TNKS: variants seen among roughly 807,000 people sequenced by gnomAD.
The protein encoded by TNKS is poly [ADP-ribose] polymerase tankyrase-1.
Under a neutral mutation model 135.8 loss-of-function variants are expected in TNKS, and 72 were observed. That is an observed-to-expected ratio of 0.53 (90% confidence interval 0.44 to 0.64). The LOEUF is 0.64. Among genes scored for constraint, TNKS ranks in the 30% least tolerant of loss-of-function variants. The pLI, the probability that TNKS is intolerant of heterozygous loss-of-function variation, is 0.00. For synonymous variants in TNKS, 849 were observed against 649.3 expected, an observed-to-expected ratio of 1.31 and a Z score of -4.68; for missense variants, 1,769 against 1,674.0, an observed-to-expected ratio of 1.06 and a Z score of -0.99.
In TNKS at chr8:9,559,246, C is replaced by G. The variant is rs1585164984; in HGVS notation, c.673+2634C>G. 2.0e-5 allele frequency among the ~76,000 whole-genome samples: 3 copies of G among 151,962 alleles called. No homozygotes were observed. In the East Asian group the frequency reaches 5.8e-4, roughly 29 times the overall value. On this transcript the variant is annotated intron_variant, in intron 1 of 26. Coordinates refer to ENST00000310430, the MANE Select transcript of TNKS (RefSeq NM_003747.3). ...GGAAACGTATATTATACTGTCTGTC[C>G]CAATATGTAATAGGAGCTCTTATCC...
chr8:9,687,417 G>C (rs1803053505), intron 5 of TNKS, among the ~76,000 whole-genome samples: 2 of 152,108 alleles, frequency 1.3e-5, no homozygotes, highest in South Asian at 2.1e-4. Context: ...CTTATGTTGG[G>C]ATATATTGTA....
chr8:9,566,326 A>G (rs1164611596), intron 1 of TNKS: 1 of 152,198 alleles, frequency 6.6e-6, no homozygotes, highest in African/African-American at 2.4e-5. Context: ...GCAAGCTATC[A>G]AAAGTTGTCT....
intron 2 of TNKS, among the ~76,000 whole-genome samples, chr8:9,601,119 A>G (rs905143807): frequency 3.9e-5 from 6 of 152,234 alleles, no homozygotes; most frequent in Non-Finnish European, 7.3e-5. Context: ...TAACACATAT[A>G]TGTAATAAAT....
intron 13 of TNKS, among the ~76,000 whole-genome samples, chr8:9,730,634 T>A (rs1805390133): frequency 6.6e-6 from 1 of 152,198 alleles, no homozygotes; most frequent in African/African-American, 2.4e-5. Context: ...TATTGTGGGT[T>A]TTTCTATTTG....
intron 23 of TNKS, among the ~76,000 whole-genome samples, chr8:9,765,435 A>T (rs1462167826): frequency 2.0e-5 from 3 of 146,946 alleles, no homozygotes; most frequent in Non-Finnish European, 4.5e-5. Context: ...CTTTTTACCT[A>T]TTTTTTTTTT....
intron 3 of TNKS, chr8:9,670,014 T>TTA (rs1293470286): frequency 3.9e-5 from 6 of 152,322 alleles, no homozygotes; most frequent in Admixed American, 1.3e-4. Flanking sequence ...AACATTCACT[T>TTA]ACTAAACATA....
chr8:9,590,984 G>A (rs1246419825), intron 2 of TNKS, among the ~76,000 whole-genome samples: 4 of 152,096 alleles, frequency 2.6e-5, no homozygotes, highest in African/African-American at 4.8e-5. Context: ...ATCCATTGTC[G>A]AACCCTAGAT....
At chr8:9,611,128 G>A (rs1465763082) in intron 2 of TNKS, among the ~76,000 whole-genome samples, 1 of 152,158 alleles carries the variant, frequency 6.6e-6, no homozygotes, top group Non-Finnish European at 1.5e-5. Context: ...TAACTGTCTT[G>A]TTATGCCAGC....
intron 3 of TNKS, among the ~76,000 whole-genome samples, chr8:9,665,707 A>G (rs561804799): frequency 2.0e-5 from 3 of 152,246 alleles, no homozygotes; most frequent in Non-Finnish European, 2.9e-5. Flanking sequence ...GTTAACCTCT[A>G]CTGGTCTCTT....
In TNKS at chr8:9,761,666, C is replaced by G. The variant is rs1807155316; in HGVS notation, c.3274+30C>G. On this transcript the variant is annotated intron_variant, in intron 21 of 26. Transcript: ENST00000310430. ...GCTATTCAGAAAAAAAAAAAAATTT[C>G]AGAAATCAGTGGTACAAGGTAAGTA... 5 of 1,569,254 alleles carry G rather than the reference C, an allele frequency of 3.2e-6. No homozygotes were observed. The Admixed American group carries it at 6.1e-5, about 19-fold the overall frequency.
chr8:9,587,555 C>T (rs888332558), intron 2 of TNKS, among the ~76,000 whole-genome samples: 2 of 152,024 alleles, frequency 1.3e-5, no homozygotes, highest in Non-Finnish European at 1.5e-5. Context: ...TCTGCCACCA[C>T]GCCCGGGTAA....
At chr8:9,665,681 C>T (rs1157359705) in intron 3 of TNKS, among the ~76,000 whole-genome samples, 1 of 152,136 alleles carries the variant, frequency 6.6e-6, no homozygotes, top group Non-Finnish European at 1.5e-5. Flanking sequence ...CTTGTGCTGC[C>T]TTTTCAGGAG....
chr8:9,650,295 T>C (rs1463315640), intron 3 of TNKS, among the ~76,000 whole-genome samples: 1 of 152,176 alleles, frequency 6.6e-6, no homozygotes, highest in Non-Finnish European at 1.5e-5. Context: ...GGTGCAAGTA[T>C]CTTTTTCGTA....
rs1008847908 is a variant in TNKS at position 9,779,540 on chromosome 8, G to A, written c.*2804G>A. On this transcript the variant is annotated 3_prime_UTR_variant, in exon 27 of 27. Coordinates refer to ENST00000310430, the MANE Select transcript of TNKS (RefSeq NM_003747.3). ...TTGGCCTGCTGGATACTTGACTCAGGCATAAATTAAGTGCCCTGGTCCCGA... is the reference window on the plus strand; with the variant it reads ...TTGGCCTGCTGGATACTTGACTCAGACATAAATTAAGTGCCCTGGTCCCGA... 9 of 152,082 alleles carry A rather than the reference G, an allele frequency of 5.9e-5. No individual in the cohort carries two copies. Among genetic ancestry groups the A allele is most frequent in the Non-Finnish European group, 1.5e-5 (1 of 68,026 alleles). The allele number at this position is 152,082 out of a possible 1,614,324, so 9.4% of individuals were successfully genotyped here.
At chr8:9,641,459 T>C (rs184715860) in intron 3 of TNKS, among the ~76,000 whole-genome samples, 1,806 of 145,180 alleles carry the variant, frequency 0.012, 188 homozygotes, top group African/African-American at 0.027. Flanking sequence ...GGACTCATTT[T>C]AGTATATTTT....
intron 26 of TNKS, among the ~76,000 whole-genome samples, chr8:9,770,660 T>C (rs1807775706): frequency 6.6e-6 from 1 of 152,206 alleles, no homozygotes; most frequent in Admixed American, 6.5e-5. Flanking sequence ...TGTCTGAATG[T>C]AAGTGAACTT....
chr8:9,602,902 C>A (rs1219881613), intron 2 of TNKS, among the ~76,000 whole-genome samples: 2 of 152,124 alleles, frequency 1.3e-5, no homozygotes, highest in African/African-American at 4.8e-5. Context: ...AAGCATATCT[C>A]AATTGAAACA....
intron 2 of TNKS, among the ~76,000 whole-genome samples, chr8:9,608,611 A>T (rs1449146791): frequency 2.6e-5 from 4 of 152,158 alleles, no homozygotes; most frequent in African/African-American, 9.7e-5. Flanking sequence ...CAGCCCAGCC[A>T]TGTGATCCCT....
intron 2 of TNKS, among the ~76,000 whole-genome samples, chr8:9,581,426 C>A (rs1028913992): frequency 6.6e-6 from 1 of 152,192 alleles, no homozygotes; most frequent in Non-Finnish European, 1.5e-5. Flanking sequence ...AACTGACTCT[C>A]CCATTTCCTC....
Sources: gnomAD v4.1 joint callset for allele counts (sites outside exome capture counted in the v4.1 genomes callset) on GRCh38, gnomAD v4.1.1 for gene constraint, MANE v1.5 for transcripts, NCBI Gene and HGNC (gene_info 2026-07-23, HGNC 2026-07-21) for gene names.